The following ROPN1 variants were observed in gnomAD, a reference collection of about 807,000 sequenced individuals.
ROPN1 encodes the protein ropporin-1A.
Under a neutral mutation model 20.5 loss-of-function variants are expected in ROPN1, and 14 were observed. The ratio of observed to expected loss-of-function variants is 0.68; its 90% confidence interval spans 0.45 to 1.07. The LOEUF (loss-of-function observed/expected upper bound fraction) is 1.07, where lower values mean the gene tolerates loss of function less well. ROPN1 is among the 50% of genes least tolerant of loss of function. ROPN1 has a pLI of 0.00. For synonymous variants in ROPN1, 76 were observed against 95.7 expected, an observed-to-expected ratio of 0.79 and a Z score of 1.20; for missense variants, 169 against 242.8, an observed-to-expected ratio of 0.70 and a Z score of 2.02.
intron 2 of ROPN1, chr3:123,980,143 C>T: frequency 3.4e-6 from 2 of 585,362 alleles, no homozygotes; most frequent in South Asian, 2.2e-5. Context: ...TGGCGTCCTA[C>T]TGCTCAATCT....
rs1313936047 is a variant in ROPN1, at chr3:123,979,704, C to G, written c.116+662G>C. 4 of 401,730 alleles carry G rather than the reference C, an allele frequency of 1.0e-5. No homozygotes were observed. In the Admixed American group the frequency reaches 1.2e-4, roughly 12 times the overall value. 24.9% of individuals were successfully genotyped at this position (401,730 alleles called of 1,614,324 possible). ...AGCCATGCCTGAGGACCCCATCACT[C>G]TGCTTGGCCTTTCCCCAGAATGCAG... is the stretch of plus-strand genomic sequence containing the variant. On this transcript the variant is annotated intron_variant, in intron 2 of 5. Transcript: ENST00000405845.
chr3:123,982,609 A>T (rs982965269), intron 1 of ROPN1, among the ~76,000 whole-genome samples: 2 of 152,170 alleles, frequency 1.3e-5, no homozygotes, highest in African/African-American at 4.8e-5. Context: ...ATATTTCATC[A>T]TTTAAAAAGT....
intron 3 of ROPN1, 198 bp from the exon 4 acceptor site, chr3:123,975,738 T>C (rs964052932): frequency 6.8e-6 from 3 of 442,046 alleles, no homozygotes; most frequent in Middle Eastern, 4.4e-4. Flanking sequence ...TGAAATATAA[T>C]TTATTAATTC....
chr3:123,973,490 C>A (rs1002290875), intron 4 of ROPN1, among the ~76,000 whole-genome samples: 2 of 152,136 alleles, frequency 1.3e-5, no homozygotes, highest in Non-Finnish European at 2.9e-5. Flanking sequence ...AATATTGAAT[C>A]CCACCTCCTT....
chr3:123,991,026 T>C (rs547303992), intron 1 of ROPN1, among the ~76,000 whole-genome samples: 105 of 152,344 alleles, frequency 6.9e-4, no homozygotes, highest in African/African-American at 1.9e-3. Context: ...TGTTTGGGTT[T>C]GGAATTGGAG....
At chr3:123,974,190 AT>A (rs2037970215) in intron 4 of ROPN1, among the ~76,000 whole-genome samples, 1 of 152,142 alleles carries the variant, frequency 6.6e-6, no homozygotes, top group African/African-American at 2.4e-5. Flanking sequence ...TTAAAGGTAT[AT>A]TTTCCCCCAA....
chr3:123,986,513 T>C (rs1383519499), intron 1 of ROPN1, among the ~76,000 whole-genome samples: 1 of 152,084 alleles, frequency 6.6e-6, no homozygotes, highest in African/African-American at 2.4e-5. Flanking sequence ...CTCTGTGTCC[T>C]GCAAGCAGGG....
chr3:123,980,223 T>C, intron 2 of ROPN1, 143 bp downstream of exon 2: 3 of 738,242 alleles, frequency 4.1e-6, no homozygotes, highest in Non-Finnish European at 6.9e-6. Context: ...TTTTAAAGCA[T>C]CAAAGCAATG....
At chr3:123,969,917 A>G in intron 5 of ROPN1, 125 bp downstream of exon 5, 1 of 920,332 alleles carries the variant, frequency 1.1e-6, no homozygotes, top group Non-Finnish European at 1.6e-6. Context: ...GATCATCCAT[A>G]TTTCATGTTT....
intron 1 of ROPN1, among the ~76,000 whole-genome samples, chr3:123,984,383 TGA>T (rs1162410626): frequency 6.6e-6 from 1 of 152,240 alleles, no homozygotes; most frequent in Non-Finnish European, 1.5e-5. Context: ...CCTCAAAGTC[TGA>T]GAGTCATCCA....
rs1179234004 is a variant in ROPN1 at position 123,987,913 on chromosome 3, G to A, written c.-13+4009C>T. 2.0e-5 allele frequency among the ~76,000 whole-genome samples: 3 copies of A among 152,136 alleles called. No homozygotes were observed. In the South Asian group the frequency reaches 6.2e-4, roughly 32 times the overall value. ...ATCTAAGCCATGCTCATATTTCAAAGATTTCCCTCGTGTTCATTCGCATCA... is the reference window on the plus strand; with the variant it reads ...ATCTAAGCCATGCTCATATTTCAAAAATTTCCCTCGTGTTCATTCGCATCA... On this transcript the variant is annotated intron_variant, in intron 1 of 5. Transcript: ENST00000405845.
intron 1 of ROPN1, among the ~76,000 whole-genome samples, chr3:123,987,983 T>C (rs1359392790): frequency 6.6e-6 from 1 of 152,238 alleles, no homozygotes; most frequent in Non-Finnish European, 1.5e-5. Flanking sequence ...CAGACTGGCA[T>C]GTAAACTATG....
rs372658783 is a variant in ROPN1 at position 123,976,945 on chromosome 3, C to T, written c.153G>A (p.Pro51=). The part of the protein sequence containing the change: ...FEALSRGETP[P]VRERSERVAL... The stretch of plus-strand genomic sequence containing the variant: ...CGACTCGCTCAGACCGCTCTCTCAC[C>T]GGAGGCGTCTCTCCACGGGACAGGG... The change falls in exon 3 of 6, where the codon CCG becomes CCA. Residue 51 remains proline (P), a synonymous_variant. Coordinates refer to ENST00000405845, the MANE Select transcript of ROPN1 (RefSeq NM_001317774.2). The T allele has an allele frequency of 4.0e-5, 64 of 1,614,112 alleles. 1 individual carries two copies. Among genetic ancestry groups the T allele is most frequent in the South Asian group, 5.5e-5 (5 of 91,072 alleles).
rs763966989 is a variant in ROPN1 at position 123,969,195 on chromosome 3, A to G, written c.599T>C (p.Val200Ala). The G allele has an allele frequency of 1.2e-6, 2 of 1,614,078 alleles. No individual in the cohort carries two copies. Among genetic ancestry groups the G allele is most frequent in the Admixed American group, 1.7e-5 (1 of 60,034 alleles). Residue 200 changes from valine (V) to alanine (A), a missense_variant, in exon 6 of 6, where the codon GTG (valine) becomes GCG (alanine). By Grantham distance (64) the Val-to-Ala change is moderately conservative. Around this residue, in one of 3 missense-constraint regions of ROPN1, gnomAD observed 82 missense variants for 100.1 expected, o/e 0.82. Transcript: ENST00000405845. ...EVIGPDGIIT[V>A]NDFTQNPRVQ... ...CCTGGGGTTTTGGGTAAAGTCATTC[A>G]CTGTGATTATACCATCAGGGCCAAT...
At chr3:123,973,440 G>A (rs761302399) in intron 4 of ROPN1, among the ~76,000 whole-genome samples, 1 of 152,146 alleles carries the variant, frequency 6.6e-6, no homozygotes, top group Non-Finnish European at 1.5e-5. Context: ...GAGAAGTGGG[G>A]ATAGAATCAC....
At chr3:123,990,115 A>G (rs1374559461) in intron 1 of ROPN1, among the ~76,000 whole-genome samples, 1 of 152,194 alleles carries the variant, frequency 6.6e-6, no homozygotes, top group Non-Finnish European at 1.5e-5. Flanking sequence ...TGAAGAGAGG[A>G]TGGTGAAGCT....
intron 1 of ROPN1, among the ~76,000 whole-genome samples, chr3:123,982,374 ATAT>A: frequency 6.6e-6 from 1 of 152,270 alleles, no homozygotes; most frequent in Admixed American, 6.5e-5. Flanking sequence ...ATATGTTATA[ATAT>A]TATAATAAAG....
intron 2 of ROPN1, chr3:123,980,078 T>G: frequency 7.6e-6 from 4 of 526,298 alleles, no homozygotes; most frequent in Non-Finnish European, 1.3e-5. Context: ...GTGCATACGC[T>G]GGTGTGACGC....
chr3:123,978,288 A>G (rs1028059341), intron 2 of ROPN1, among the ~76,000 whole-genome samples: 35 of 152,170 alleles, frequency 2.3e-4, no homozygotes, highest in Non-Finnish European at 3.4e-4. Context: ...TGGGTGCAAT[A>G]TGACAATAGG....
Sources: gnomAD v4.1 joint callset for allele counts (sites outside exome capture counted in the v4.1 genomes callset) on GRCh38, gnomAD v4.1.1 for gene constraint, gnomAD v4.1.1 regional missense constraint, MANE v1.5 for transcripts, NCBI Gene and HGNC (gene_info 2026-07-23, HGNC 2026-07-21) for gene names.